Variants in SLX9 observed in about 807,000 individuals in gnomAD.
The protein encoded by SLX9 is ribosome biogenesis protein SLX9 homolog.
A neutral mutation model predicts 20.8 loss-of-function variants in SLX9; 19 were observed. The observed-to-expected ratio is 0.91, with a 90% CI of 0.64 to 1.34. The LOEUF is 1.34. Among genes scored for constraint, SLX9 ranks in the 40% most tolerant of loss-of-function variants. SLX9 has a pLI of 0.00. For missense variants in SLX9, 299 were observed against 322.2 expected, an observed-to-expected ratio of 0.93 and a Z score of 0.55; for synonymous variants, 113 against 137.1, an observed-to-expected ratio of 0.82 and a Z score of 1.23.
chr21:44,963,243 C>T (rs1341711928), intron 3 of SLX9, among the ~76,000 whole-genome samples: 5 of 152,092 alleles, frequency 3.3e-5, no homozygotes, highest in Admixed American at 6.6e-5. Flanking sequence ...CACCCGCCAC[C>T]GTGCCCGGCT....
chr21:44,943,866 T>G, intron 2 of SLX9, 29 bp downstream of exon 2: 1 of 1,613,780 alleles, frequency 6.2e-7, no homozygotes, highest in Non-Finnish European at 8.5e-7. Flanking sequence ...GTTACCATGC[T>G]GATACCCAGC....
intron 4 of SLX9, among the ~76,000 whole-genome samples, chr21:44,967,765 C>T (rs775209087): frequency 2.6e-5 from 4 of 152,294 alleles, no homozygotes; most frequent in South Asian, 2.1e-4. Context: ...CATGCAGGGC[C>T]CTGGGACACA....
At chr21:44,972,287 G>A (rs912093002) in intron 4 of SLX9, among the ~76,000 whole-genome samples, 7 of 152,180 alleles carry the variant, frequency 4.6e-5, no homozygotes, top group African/African-American at 1.7e-4. Context: ...CATTCGGCCA[G>A]GTGGGCGGCT....
intron 2 of SLX9, among the ~76,000 whole-genome samples, chr21:44,949,688 A>G (rs1051791821): frequency 5.3e-5 from 8 of 152,074 alleles, no homozygotes; most frequent in African/African-American, 1.9e-4. Flanking sequence ...CTGTCAGTGG[A>G]ACACGTCTGC....
chr21:44,939,901 C>G, upstream of SLX9: 7 of 714,450 alleles, frequency 9.8e-6, no homozygotes, highest in Non-Finnish European at 1.5e-5. Context: ...CGCCGCCACC[C>G]TACACCCGCG....
chr21:44,972,388 C>G (rs1044617568), intron 4 of SLX9, among the ~76,000 whole-genome samples: 13 of 152,174 alleles, frequency 8.5e-5, no homozygotes, highest in Non-Finnish European at 1.8e-4. Flanking sequence ...GCAGCCGGAG[C>G]CTGCCTGGGG....
At chr21:44,947,187 T>C (rs2084659097) in intron 2 of SLX9, among the ~76,000 whole-genome samples, 1 of 152,192 alleles carries the variant, frequency 6.6e-6, no homozygotes, top group African/African-American at 2.4e-5. Flanking sequence ...GGGTTTGTGC[T>C]GGGGCCTGAG....
intron 4 of SLX9, among the ~76,000 whole-genome samples, chr21:44,968,567 G>T (rs967913705): frequency 2.0e-5 from 3 of 152,190 alleles, no homozygotes; most frequent in Admixed American, 2.0e-4. Context: ...ACATGCACGT[G>T]AAAGGAGAGC....
In SLX9 at chr21:44,959,308, G is replaced by A. The variant is rs78034413; in HGVS notation, c.284-792G>A. The A allele has an allele frequency of 2.9e-3, 2,846 of 969,578 alleles. 49 individuals carry two copies. The African/African-American group carries it at 0.041, about 14-fold the overall frequency. 60.1% of individuals were successfully genotyped at this position (969,578 alleles called of 1,614,324 possible). Reference sequence around the variant, plus strand: ...GATGTGTTCTGGGGAGAATGCAGCCGAGGCTGAACCGTCTCGGGAAATCAG... The same window carrying A: ...GATGTGTTCTGGGGAGAATGCAGCCAAGGCTGAACCGTCTCGGGAAATCAG... On this transcript the variant is annotated intron_variant, in intron 2 of 5. Coordinates refer to ENST00000291634, the MANE Select transcript of SLX9 (RefSeq NM_058190.4).
At chr21:44,966,906 G>A in intron 3 of SLX9, 128 bp from the exon 4 acceptor site, 1 of 1,219,222 alleles carries the variant, frequency 8.2e-7, no homozygotes, top group Non-Finnish European at 1.2e-6. Context: ...GCGGAATGGG[G>A]GTGACAGCGG....
At chr21:44,949,251 G>T (rs1029356881) in intron 2 of SLX9, among the ~76,000 whole-genome samples, 2 of 152,148 alleles carry the variant, frequency 1.3e-5, no homozygotes, top group South Asian at 2.1e-4. Context: ...GCTCCCCCTC[G>T]CACGGTTTGT....
chr21:44,940,336 C>A, intron 1 of SLX9, 150 bp downstream of exon 1: 1 of 1,127,544 alleles, frequency 8.9e-7, no homozygotes, highest in Non-Finnish European at 1.1e-6. Context: ...CTTCTTGCTT[C>A]GCGAAGCGTC....
chr21:44,959,177 CT>C (rs2084910861), intron 2 of SLX9: 1 of 984,726 alleles, frequency 1.0e-6, no homozygotes, highest in Non-Finnish European at 1.2e-6. Flanking sequence ...AGCGCAGCGA[CT>C]GCCTTTCTCC....
At chr21:44,960,657 G>A (rs2084936648) in intron 3 of SLX9, among the ~76,000 whole-genome samples, 1 of 152,368 alleles carries the variant, frequency 6.6e-6, no homozygotes, top group South Asian at 2.1e-4. Context: ...GCATAGCGGC[G>A]TGGGTGTGGG....
chr21:44,946,689 A>G (rs976887608), intron 2 of SLX9, among the ~76,000 whole-genome samples: 1 of 152,198 alleles, frequency 6.6e-6, no homozygotes, highest in Non-Finnish European at 1.5e-5. Context: ...GCGGGCCCCC[A>G]TTACAGCCCT....
At chr21:44,960,215 T>C (rs764038969) in intron 3 of SLX9, 47 bp downstream of exon 3, 4 of 1,547,616 alleles carry the variant, frequency 2.6e-6, no homozygotes, top group African/African-American at 1.4e-5. Flanking sequence ...CCAAGTCCCA[T>C]CCCGTGGGCC....
At chr21:44,972,977 C>G (rs1399732336) in intron 4 of SLX9, 1 of 618,934 alleles carries the variant, frequency 1.6e-6, no homozygotes. Flanking sequence ...AGTTGCACTG[C>G]TTGTCCGGGG....
chr21:44,959,201 C>T, intron 2 of SLX9: 1 of 985,416 alleles, frequency 1.0e-6, no homozygotes. Context: ...GCAGGGCTTG[C>T]TTCTGCTTTG....
chr21:44,966,189 C>T (rs1276164100), intron 3 of SLX9, among the ~76,000 whole-genome samples: 1 of 152,152 alleles, frequency 6.6e-6, no homozygotes, highest in African/African-American at 2.4e-5. Context: ...GAGCCACCTG[C>T]CCTGGGGGCT....
Sources: allele counts gnomAD v4.1 joint callset (sites outside exome capture counted in the v4.1 genomes callset), GRCh38; gene constraint gnomAD v4.1.1; transcripts MANE v1.5; gene names NCBI Gene and HGNC (gene_info 2026-07-23, HGNC 2026-07-21).